VPS8: variants seen among roughly 807,000 people sequenced by gnomAD.
VPS8 encodes the protein VPS8 subunit of CORVET complex.
In VPS8, 129 loss-of-function variants were observed where a neutral mutation model predicts 216.4. That is an observed-to-expected ratio of 0.60 (90% confidence interval 0.52 to 0.69). The LOEUF (loss-of-function observed/expected upper bound fraction) is 0.69, where lower values mean the gene tolerates loss of function less well. Among genes scored for constraint, VPS8 ranks in the 30% least tolerant of loss-of-function variants. The pLI is 0.00. For synonymous variants in VPS8, 571 were observed against 565.4 expected (o/e 1.01, Z -0.14); for missense variants, 1,531 against 1,683.5 (o/e 0.91, Z 1.59).
At position 185,046,485 on chromosome 3, in the gene VPS8, T is replaced by C. The variant is rs543616705; in HGVS notation, c.4057-1994T>C. Among the ~76,000 whole-genome samples the C allele has an allele frequency of 2.6e-4, 40 of 152,288 alleles. No individual in the cohort carries two copies. The South Asian group carries it at 7.9e-3, about 30-fold the overall frequency. On this transcript the variant is annotated intron_variant, in intron 46 of 47. Transcript: ENST00000625842. ...TGGTGGAGTGTGGCCTGAGGTGGCATTGCCCTTTGATCAATTGGAACAAAG... is the reference window on the plus strand; with the variant it reads ...TGGTGGAGTGTGGCCTGAGGTGGCACTGCCCTTTGATCAATTGGAACAAAG...
intron 42 of VPS8, among the ~76,000 whole-genome samples, chr3:184,984,183 C>CAAAAAAA (rs1453935100): frequency 0.013 from 38 of 2,884 alleles, 19 homozygotes; most frequent in South Asian, 0.095. Flanking sequence ...GACTCCGTCT[C>CAAAAAAA]AAAAAAAAAA....
At chr3:185,041,503 G>A (rs772278370) in intron 46 of VPS8, among the ~76,000 whole-genome samples, 22 of 152,216 alleles carry the variant, frequency 1.4e-4, no homozygotes, top group South Asian at 4.2e-4. Context: ...CACGGCTACC[G>A]TCTTCTTGGA....
At chr3:184,991,028 T>C (rs1301689021) in intron 42 of VPS8, among the ~76,000 whole-genome samples, 1 of 152,194 alleles carries the variant, frequency 6.6e-6, no homozygotes, top group African/African-American at 2.4e-5. Flanking sequence ...AAGTAACTTT[T>C]AGCTTCTGAG....
At chr3:184,835,744 C>T in intron 5 of VPS8, among the ~76,000 whole-genome samples, 1 of 138,346 alleles carries the variant, frequency 7.2e-6, no homozygotes, top group Non-Finnish European at 1.5e-5. Context: ...GAGTCTCACT[C>T]TGTCGCCCAA....
At chr3:184,969,010 A>G (rs570846589) in intron 39 of VPS8, among the ~76,000 whole-genome samples, 115 of 152,376 alleles carry the variant, frequency 7.5e-4, no homozygotes, top group Non-Finnish European at 1.3e-3. Flanking sequence ...TGATAGTTCA[A>G]CTGGACACTT....
intron 45 of VPS8, among the ~76,000 whole-genome samples, chr3:185,020,724 C>T (rs963001663): frequency 8.5e-5 from 13 of 152,158 alleles, no homozygotes; most frequent in Non-Finnish European, 1.3e-4. Context: ...TCCTTTTGGC[C>T]TCCCAAATTG....
chr3:184,912,419 C>T (rs1329668037), intron 25 of VPS8, among the ~76,000 whole-genome samples: 2 of 152,110 alleles, frequency 1.3e-5, no homozygotes, highest in Non-Finnish European at 2.9e-5. Flanking sequence ...GAGACATGGC[C>T]TTCTATCTTG....
intron 45 of VPS8, among the ~76,000 whole-genome samples, chr3:185,016,849 A>G (rs1755868752): frequency 6.6e-6 from 1 of 152,124 alleles, no homozygotes; most frequent in South Asian, 2.1e-4. Flanking sequence ...TCTCTTTCTT[A>G]GCGGCCATTG....
intron 21 of VPS8, among the ~76,000 whole-genome samples, chr3:184,876,311 A>G (rs1289682309): frequency 6.6e-6 from 1 of 151,718 alleles, no homozygotes; most frequent in Non-Finnish European, 1.5e-5. Context: ...ATGTCTGTGT[A>G]CCATTTACTT....
chr3:184,875,454 ATTTAT>A (rs1729084436), intron 21 of VPS8, among the ~76,000 whole-genome samples: 1 of 152,070 alleles, frequency 6.6e-6, no homozygotes, highest in African/African-American at 2.4e-5. Context: ...TATAATTATA[ATTTAT>A]TTGTATCATA....
At chr3:184,920,312 TA>T in intron 29 of VPS8, 114 bp downstream of exon 29, 1 of 666,752 alleles carries the variant, frequency 1.5e-6, no homozygotes, top group Non-Finnish European at 2.3e-6. Context: ...AATCATATCG[TA>T]AAATTTTATT....
In VPS8 at chr3:184,931,771, T is replaced by C. The variant is rs373245493; in HGVS notation, c.2898+1203T>C. 6.6e-5 allele frequency among the ~76,000 whole-genome samples: 10 copies of C among 152,316 alleles called. No homozygotes were observed. In the East Asian group the frequency reaches 1.5e-3, roughly 23 times the overall value. On this transcript the variant is annotated intron_variant, in intron 34 of 47. Coordinates refer to ENST00000625842, the MANE Select transcript of VPS8 (RefSeq NM_001009921.3). ...AACCCAACAAGTCATTCTCTGATTT[T>C]GTGTTTTATATTTTTTCCCTTTAAT...
intron 19 of VPS8, among the ~76,000 whole-genome samples, 153 bp from the exon 20 acceptor site, chr3:184,869,329 C>T (rs1037807787): frequency 6.6e-6 from 1 of 152,052 alleles, no homozygotes; most frequent in African/African-American, 2.4e-5. Flanking sequence ...TGAGGTGTTC[C>T]TATTATGGTG....
chr3:185,036,227 C>T (rs370741941), intron 46 of VPS8, among the ~76,000 whole-genome samples: 1 of 152,016 alleles, frequency 6.6e-6, no homozygotes, highest in South Asian at 2.1e-4. Flanking sequence ...ATCAAACTAC[C>T]GACATAATTC....
chr3:184,992,392 A>C (rs1752019896), intron 42 of VPS8, among the ~76,000 whole-genome samples: 1 of 152,152 alleles, frequency 6.6e-6, no homozygotes, highest in Non-Finnish European at 1.5e-5. Context: ...GTAATTTATT[A>C]CTTAATTTAT....
chr3:184,832,988 G>T (rs1720318728), intron 4 of VPS8, among the ~76,000 whole-genome samples, 169 bp downstream of exon 4: 1 of 151,878 alleles, frequency 6.6e-6, no homozygotes. Flanking sequence ...AATGTAAAAG[G>T]GTAGGTGCTA....
At chr3:184,836,960 A>G (rs1328123485) in intron 5 of VPS8, among the ~76,000 whole-genome samples, 1 of 152,184 alleles carries the variant, frequency 6.6e-6, no homozygotes, top group African/African-American at 2.4e-5. Context: ...TATTATTTTT[A>G]TGATCAACTT....
At chr3:184,949,732 A>G (rs1744310645) in intron 36 of VPS8, among the ~76,000 whole-genome samples, 1 of 152,154 alleles carries the variant, frequency 6.6e-6, no homozygotes, top group Non-Finnish European at 1.5e-5. Context: ...TTTTTCAGGC[A>G]GATTGGAACA....
intron 3 of VPS8, among the ~76,000 whole-genome samples, chr3:184,829,391 T>A (rs566361892): frequency 6.6e-6 from 1 of 152,228 alleles, no homozygotes; most frequent in East Asian, 1.9e-4. Context: ...GTTTTTTGTA[T>A]TTTTAGTAGA....
Sources: allele counts gnomAD v4.1 joint callset (sites outside exome capture counted in the v4.1 genomes callset), GRCh38; gene constraint gnomAD v4.1.1; transcripts MANE v1.5; gene names NCBI Gene and HGNC (gene_info 2026-07-23, HGNC 2026-07-21).